Variants in KIF13B observed in about 807,000 individuals in gnomAD.
The protein encoded by KIF13B is kinesin-like protein KIF13B.
KIF13B carries 127 observed loss-of-function variants against 222.0 expected under a neutral mutation model. That is an observed-to-expected ratio of 0.57 (90% CI 0.50 to 0.66). The LOEUF (loss-of-function observed/expected upper bound fraction) is 0.66, where lower values mean the gene tolerates loss of function less well. KIF13B is among the 30% of genes least tolerant of loss of function. KIF13B has a pLI of 0.00. For missense variants in KIF13B, 2,173 were observed against 2,379.0 expected, an observed-to-expected ratio of 0.91 and a Z score of 1.80; for synonymous variants, 976 against 919.0, an observed-to-expected ratio of 1.06 and a Z score of -1.12.
intron 14 of KIF13B, among the ~76,000 whole-genome samples, chr8:29,151,194 C>T (rs1811282539): frequency 6.6e-6 from 1 of 152,208 alleles, no homozygotes. Flanking sequence ...AACCCTAACC[C>T]AGAGCAAGGT....
At chr8:29,156,115 T>C (rs534415381) in intron 13 of KIF13B, among the ~76,000 whole-genome samples, 4 of 152,158 alleles carry the variant, frequency 2.6e-5, no homozygotes, top group Non-Finnish European at 4.4e-5. Context: ...ATTACAGGCA[T>C]GCACCACCAT....
At chr8:29,191,809 G>A (rs1813202728) in intron 3 of KIF13B, among the ~76,000 whole-genome samples, 1 of 152,102 alleles carries the variant, frequency 6.6e-6, no homozygotes, top group African/African-American at 2.4e-5. Flanking sequence ...ATTTTTCACT[G>A]ACTGCATCTT....
intron 21 of KIF13B, among the ~76,000 whole-genome samples, chr8:29,138,138 C>A (rs1810646101): frequency 6.6e-6 from 1 of 152,092 alleles, no homozygotes; most frequent in Admixed American, 6.5e-5. Context: ...TCACTTGAGG[C>A]CAGGAGTTCA....
intron 35 of KIF13B, among the ~76,000 whole-genome samples, chr8:29,103,072 C>G (rs917906624): frequency 6.6e-6 from 1 of 151,946 alleles, no homozygotes; most frequent in Non-Finnish European, 1.5e-5. Flanking sequence ...GAAACCCCGT[C>G]TCTACTAAAA....
chr8:29,191,699 C>T (rs1225771922), intron 3 of KIF13B, among the ~76,000 whole-genome samples: 1 of 152,190 alleles, frequency 6.6e-6, no homozygotes, highest in East Asian at 1.9e-4. Context: ...GATCTTTCAC[C>T]TTATCACCAC....
intron 31 of KIF13B, among the ~76,000 whole-genome samples, chr8:29,115,554 G>A (rs983032380): frequency 2.6e-5 from 4 of 152,038 alleles, no homozygotes; most frequent in Admixed American, 1.3e-4. Context: ...TCAAACTCCC[G>A]ACCTCAGGTG....
At chr8:29,256,236 G>A (rs1816473979) in intron 1 of KIF13B, among the ~76,000 whole-genome samples, 1 of 152,150 alleles carries the variant, frequency 6.6e-6, no homozygotes, top group Non-Finnish European at 1.5e-5. Context: ...TGCTTCTCCT[G>A]TGCTTCTGAT....
chr8:29,083,427 C>T (rs1429197528), intron 37 of KIF13B, among the ~76,000 whole-genome samples: 2 of 152,068 alleles, frequency 1.3e-5, no homozygotes, highest in South Asian at 2.1e-4. Flanking sequence ...TAAAATGAAC[C>T]CCATTCCTAA....
chr8:29,074,243 G>C (rs1807450880), intron 38 of KIF13B, among the ~76,000 whole-genome samples: 2 of 152,198 alleles, frequency 1.3e-5, no homozygotes, highest in South Asian at 4.1e-4. Context: ...GGGCTGGAAG[G>C]ATCATGGCAT....
chr8:29,247,018 A>C (rs1287317072), intron 1 of KIF13B, among the ~76,000 whole-genome samples: 1 of 152,232 alleles, frequency 6.6e-6, no homozygotes, highest in East Asian at 1.9e-4. Flanking sequence ...GTATATCCAC[A>C]TGGCTTTGGA....
chr8:29,205,063 C>A (rs1050269095), intron 2 of KIF13B, among the ~76,000 whole-genome samples: 2 of 152,160 alleles, frequency 1.3e-5, no homozygotes, highest in Admixed American at 1.3e-4. Flanking sequence ...GTGGCTCACA[C>A]CTGTAATCTC....
intron 17 of KIF13B, among the ~76,000 whole-genome samples, chr8:29,147,116 T>C (rs1161109771): frequency 6.6e-6 from 1 of 152,186 alleles, no homozygotes; most frequent in African/African-American, 2.4e-5. Flanking sequence ...TAAAGCATAA[T>C]ACAATGATCA....
chr8:29,123,988 T>G (rs759621279), intron 27 of KIF13B, 36 bp downstream of exon 27: 6 of 1,293,362 alleles, frequency 4.6e-6, no homozygotes, highest in Non-Finnish European at 6.7e-6. Flanking sequence ...TGCATTGATT[T>G]GCAGGGGAGA....
rs375537864 is a variant in KIF13B at position 29,167,416 on chromosome 8, C to T, written c.1115G>A (p.Arg372Gln). 5.0e-5 allele frequency: 80 copies of T among 1,613,356 alleles called. No individual in the cohort carries two copies. Among genetic ancestry groups the T allele is most frequent in the Non-Finnish European group, 6.1e-5 (72 of 1,179,852 alleles). Residue 372 changes from arginine to glutamine, a missense_variant, in exon 11 of 40, where the codon CGG (arginine) becomes CAG (glutamine). By Grantham distance (43) the Arg-to-Gln change is conservative. Coordinates refer to ENST00000524189, the MANE Select transcript of KIF13B (RefSeq NM_015254.4). Reference protein sequence around the residue: ...DPNARIIRDLREEVEKLREQL... With the variant: ...DPNARIIRDLQEEVEKLREQL... The stretch of plus-strand genomic sequence containing the variant: ...CTCCCGGAGTTTCTCAACTTCTTCC[C>T]GGAGATCCCGGATAATTCGGGCATT...
chr8:29,219,727 T>A (rs1158314054), intron 2 of KIF13B, among the ~76,000 whole-genome samples: 1 of 151,760 alleles, frequency 6.6e-6, no homozygotes, highest in African/African-American at 2.4e-5. Flanking sequence ...CACTCCAGCC[T>A]GGGTGACACC....
intron 26 of KIF13B, 37 bp downstream of exon 26, chr8:29,126,445 T>C: frequency 1.5e-6 from 2 of 1,357,778 alleles, no homozygotes; most frequent in Non-Finnish European, 2.1e-6. Flanking sequence ...ACTTTAATCA[T>C]GCTTATTTGA....
chr8:29,196,036 A>G (rs1447328036), intron 3 of KIF13B, 151 bp downstream of exon 3: 4 of 708,840 alleles, frequency 5.6e-6, no homozygotes, highest in Non-Finnish European at 9.4e-6. Context: ...ATGCCAATAA[A>G]TGGCTTCAGA....
At chr8:29,258,400 A>G (rs1816563296) in intron 1 of KIF13B, among the ~76,000 whole-genome samples, 1 of 152,194 alleles carries the variant, frequency 6.6e-6, no homozygotes, top group South Asian at 2.1e-4. Flanking sequence ...TTTGGGATCT[A>G]GCAATCTTTC....
intron 5 of KIF13B, 74 bp from the exon 6 acceptor site, chr8:29,186,546 TAATA>T: frequency 7.8e-7 from 1 of 1,284,096 alleles, no homozygotes; most frequent in Non-Finnish European, 1.1e-6. Flanking sequence ...CCGTTGCTCA[TAATA>T]AACACTTGGC....
Sources: gnomAD v4.1 joint callset for allele counts (sites outside exome capture counted in the v4.1 genomes callset) on GRCh38, gnomAD v4.1.1 for gene constraint, MANE v1.5 for transcripts, NCBI Gene and HGNC (gene_info 2026-07-23, HGNC 2026-07-21) for gene names.